The following CFAP47 variants were observed in gnomAD, a reference collection of about 807,000 sequenced individuals.
CFAP47 encodes cilia and flagella associated protein 47, also known as cilia- and flagella-associated protein 47.
A neutral mutation model predicts 148.1 loss-of-function variants in CFAP47; 29 were observed. The observed-to-expected ratio is 0.20, with a 90% CI of 0.15 to 0.27. The LOEUF (loss-of-function observed/expected upper bound fraction) is 0.27, where lower values mean the gene tolerates loss of function less well. Among genes scored for constraint, CFAP47 ranks in the 10% least tolerant of loss-of-function variants. CFAP47 has a pLI of 1.00. For missense variants in CFAP47, 1,872 were observed against 1,697.5 expected (o/e 1.10, Z -1.81); for synonymous variants, 664 against 577.3 (o/e 1.15, Z -2.15).
chrX:36,107,252 T>TA (rs1417737924), intron 33 of CFAP47, among the ~76,000 whole-genome samples: 1 of 112,331 alleles, frequency 8.9e-6, no homozygotes, highest in Non-Finnish European at 1.9e-5. Flanking sequence ...ACCTGTACAG[T>TA]AAAAAAGTCC....
chrX:36,362,805 G>T (rs936058920), intron 61 of CFAP47, among the ~76,000 whole-genome samples: 16 of 111,814 alleles, frequency 1.4e-4, no homozygotes, highest in African/African-American at 3.9e-4. Context: ...AGACACCAGG[G>T]TCATCTTCAG....
chrX:36,170,494 G>C (rs779952485), intron 39 of CFAP47, among the ~76,000 whole-genome samples: 16 of 108,194 alleles, frequency 1.5e-4, no homozygotes, highest in African/African-American at 5.5e-4. Context: ...TCCCCTTCCT[G>C]TGTCCATGTG....
At chrX:36,038,803 C>T (rs1937367846) in intron 24 of CFAP47, among the ~76,000 whole-genome samples, 181 bp from the exon 25 acceptor site, 1 of 112,510 alleles carries the variant, frequency 8.9e-6, no homozygotes, top group Non-Finnish European at 1.9e-5. Flanking sequence ...TTTCTTTCAA[C>T]AGCACCTCAT....
At chrX:36,029,575 TATTGTG>T (rs1228169588) in intron 22 of CFAP47, among the ~76,000 whole-genome samples, 1 of 110,917 alleles carries the variant, frequency 9.0e-6, no homozygotes, top group East Asian at 2.8e-4. Context: ...TGATCTTCAC[TATTGTG>T]TTCCATTTTT....
At chrX:36,222,849 C>T (rs1311849913) in intron 45 of CFAP47, among the ~76,000 whole-genome samples, 1 of 111,204 alleles carries the variant, frequency 9.0e-6, no homozygotes, top group African/African-American at 3.3e-5. Flanking sequence ...TTTCACTTTA[C>T]TTGTGATATA....
At chrX:36,194,980 A>C (rs1431899594) in intron 42 of CFAP47, among the ~76,000 whole-genome samples, 1 of 112,524 alleles carries the variant, frequency 8.9e-6, no homozygotes, top group Non-Finnish European at 1.9e-5. Flanking sequence ...GGTGAATTAG[A>C]GAAGCTTACT....
chrX:36,095,434 T>G (rs1938259049), intron 30 of CFAP47, among the ~76,000 whole-genome samples: 1 of 112,250 alleles, frequency 8.9e-6, no homozygotes, highest in African/African-American at 3.2e-5. Flanking sequence ...TCCTCTATTT[T>G]ATAAAATAGT....
At chrX:35,990,095 A>G (rs1214186839) in intron 16 of CFAP47, 1 of 111,657 alleles carries the variant, frequency 9.0e-6, no homozygotes, top group African/African-American at 3.2e-5. Context: ...ATGTATATGT[A>G]TATGTGGAGA....
intron 60 of CFAP47, among the ~76,000 whole-genome samples, chrX:36,358,427 A>C (rs1243568159): frequency 1.8e-5 from 2 of 112,046 alleles, no homozygotes; most frequent in Non-Finnish European, 3.8e-5. Flanking sequence ...CCTATGCACA[A>C]ATTATGTCCT....
chrX:35,959,085 C>T (rs1306018312), intron 8 of CFAP47, among the ~76,000 whole-genome samples: 2 of 112,419 alleles, frequency 1.8e-5, no homozygotes, highest in African/African-American at 6.5e-5. Flanking sequence ...GTCCTGCTGA[C>T]ACCTTGATTT....
chrX:35,999,866 A>C (rs1358733560), intron 19 of CFAP47, among the ~76,000 whole-genome samples: 1 of 111,993 alleles, frequency 8.9e-6, no homozygotes, highest in African/African-American at 3.2e-5. Flanking sequence ...GGTGAACTTT[A>C]TGAGCCCTGC....
chrX:36,319,494 T>A (rs986712117), intron 57 of CFAP47, among the ~76,000 whole-genome samples, 187 bp downstream of exon 57: 6 of 109,800 alleles, frequency 5.5e-5, no homozygotes, highest in East Asian at 5.7e-4. Flanking sequence ...ATATATATAT[T>A]ACATTTGTAT....
At chrX:35,991,663 A>C (rs192140748) in intron 16 of CFAP47, among the ~76,000 whole-genome samples, 158 bp from the exon 17 acceptor site, 70 of 111,246 alleles carry the variant, frequency 6.3e-4, no homozygotes, top group Non-Finnish European at 9.6e-4. Flanking sequence ...CTGAATAAAG[A>C]ATATAGGAGT....
intron 45 of CFAP47, among the ~76,000 whole-genome samples, chrX:36,211,996 A>G (rs1469362832): frequency 9.0e-6 from 1 of 111,536 alleles, no homozygotes; most frequent in Admixed American, 9.6e-5. Flanking sequence ...GGAAATTTAA[A>G]TCAGATTCTC....
At chrX:36,027,154 TTA>T (rs951445806) in intron 22 of CFAP47, among the ~76,000 whole-genome samples, 7 of 102,708 alleles carry the variant, frequency 6.8e-5, no homozygotes, top group African/African-American at 2.1e-4. Context: ...ATATATATGA[TTA>T]TATATATGTG....
At chrX:36,097,524 G>GT (rs958099105) in intron 30 of CFAP47, among the ~76,000 whole-genome samples, 1 of 110,727 alleles carries the variant, frequency 9.0e-6, no homozygotes, top group Non-Finnish European at 1.9e-5. Flanking sequence ...GTGTAAAAGT[G>GT]TTTTTTGTTT....
intron 51 of CFAP47, among the ~76,000 whole-genome samples, chrX:36,292,321 T>C (rs1216935615): frequency 8.9e-6 from 1 of 111,921 alleles, no homozygotes; most frequent in Non-Finnish European, 1.9e-5. Flanking sequence ...TTCTGACTTT[T>C]CAATTTAGGA....
intron 2 of CFAP47, among the ~76,000 whole-genome samples, chrX:35,935,295 C>G (rs1935893280): frequency 8.9e-6 from 1 of 112,093 alleles, no homozygotes; most frequent in Non-Finnish European, 1.9e-5. Flanking sequence ...AATGTTCCCC[C>G]CATGGGCAGG....
intron 27 of CFAP47, among the ~76,000 whole-genome samples, chrX:36,066,291 T>C (rs1937639097): frequency 9.0e-6 from 1 of 110,967 alleles, no homozygotes; most frequent in Admixed American, 9.6e-5. Flanking sequence ...CCCATCTGTG[T>C]AGATCGTCAA....
Sources: gnomAD v4.1 joint callset for allele counts (sites outside exome capture counted in the v4.1 genomes callset) on GRCh38, gnomAD v4.1.1 for gene constraint, MANE v1.5 for transcripts, NCBI Gene and HGNC (gene_info 2026-07-23, HGNC 2026-07-21) for gene names.